The following SLAIN2 variants were observed in gnomAD, a reference collection of about 807,000 sequenced individuals.
SLAIN2 encodes SLAIN family member 2.
Under a neutral mutation model 56.6 loss-of-function variants are expected in SLAIN2, and 31 were observed. The observed-to-expected ratio is 0.55, with a 90% CI of 0.41 to 0.74. The LOEUF (loss-of-function observed/expected upper bound fraction) is 0.74, where lower values mean the gene tolerates loss of function less well. SLAIN2 is among the 30% of genes least tolerant of loss of function. The pLI is 0.00. For missense variants in SLAIN2, 777 were observed against 754.2 expected (o/e 1.03, Z -0.35); for synonymous variants, 317 against 284.9 (o/e 1.11, Z -1.13).
At chr4:48,356,701 TTTG>T (rs1238773851) in intron 1 of SLAIN2, among the ~76,000 whole-genome samples, 1 of 152,188 alleles carries the variant, frequency 6.6e-6, no homozygotes, top group African/African-American at 2.4e-5. Flanking sequence ...GCACTAGAAG[TTTG>T]TTTTTTAAAG....
intron 2 of SLAIN2, among the ~76,000 whole-genome samples, chr4:48,372,757 A>G (rs1715702329): frequency 1.3e-5 from 2 of 152,232 alleles, no homozygotes; most frequent in Admixed American, 6.5e-5. Context: ...AGCTGTATTC[A>G]TAGAACAATA....
At position 48,344,813 on chromosome 4, in the gene SLAIN2, A is replaced by G. The variant is rs187548326; in HGVS notation, c.389+2685A>G. On this transcript the variant is annotated intron_variant, in intron 1 of 7. Transcript: ENST00000264313. ...CAAAATGTTGATTACTTTTACTACA[A>G]GTGGTATGCTTGGATATTTTCCGCT... 2.6e-5 allele frequency among the ~76,000 whole-genome samples: 4 copies of G among 152,256 alleles called. No homozygotes were observed. In the East Asian group the frequency reaches 5.8e-4, roughly 22 times the overall value.
At chr4:48,395,038 A>G (rs908869598) in intron 6 of SLAIN2, among the ~76,000 whole-genome samples, 1 of 152,240 alleles carries the variant, frequency 6.6e-6, no homozygotes, top group African/African-American at 2.4e-5. Flanking sequence ...TTACCTGTGT[A>G]AAATGGGAAC....
intron 6 of SLAIN2, among the ~76,000 whole-genome samples, chr4:48,416,529 T>C (rs1331326159): frequency 1.6e-4 from 24 of 146,564 alleles, no homozygotes; most frequent in Admixed American, 2.8e-4. Flanking sequence ...GACTTCCTCT[T>C]TTCCTAATTG....
intron 3 of SLAIN2, among the ~76,000 whole-genome samples, chr4:48,378,853 A>G (rs1244883096): frequency 6.6e-6 from 1 of 152,180 alleles, no homozygotes; most frequent in Non-Finnish European, 1.5e-5. Flanking sequence ...TACTTTTCCT[A>G]TCATGTGCAC....
Position 48,420,509 on chromosome 4 carries a change from A to G in SLAIN2, c.1679+66A>G, listed in dbSNP as rs1164257268. The stretch of plus-strand genomic sequence containing the variant: ...GAAAGTGGATAGACTGGAATGAATT[A>G]GCTTCATCCGTATGTTTGATAGTAA... On this transcript the variant is annotated intron_variant, in intron 7 of 7. Coordinates refer to ENST00000264313, the MANE Select transcript of SLAIN2 (RefSeq NM_020846.2). The G allele has an allele frequency of 2.6e-6, 4 of 1,545,062 alleles. No homozygotes were observed. The Admixed American group carries it at 6.9e-5, about 27-fold the overall frequency.
chr4:48,350,537 C>T (rs1355513899), intron 1 of SLAIN2, among the ~76,000 whole-genome samples: 2 of 152,168 alleles, frequency 1.3e-5, no homozygotes, highest in African/African-American at 2.4e-5. Flanking sequence ...CTACCCAGAG[C>T]ACATTGCATG....
At chr4:48,411,888 T>G (rs1470403181) in intron 6 of SLAIN2, among the ~76,000 whole-genome samples, 1 of 152,228 alleles carries the variant, frequency 6.6e-6, no homozygotes. Flanking sequence ...CAGTGACTTC[T>G]TCCTACCCAC....
At chr4:48,371,641 C>G (rs151335237) in intron 2 of SLAIN2, among the ~76,000 whole-genome samples, 7 of 151,924 alleles carry the variant, frequency 4.6e-5, no homozygotes, top group African/African-American at 1.7e-4. Flanking sequence ...ATAGAAGGAG[C>G]ATGATTGAAA....
At chr4:48,347,695 A>G (rs1282535847) in intron 1 of SLAIN2, among the ~76,000 whole-genome samples, 4 of 152,206 alleles carry the variant, frequency 2.6e-5, no homozygotes, top group South Asian at 4.1e-4. Flanking sequence ...ATGTTGTGCA[A>G]TCATCGCCAC....
At chr4:48,399,487 CG>C (rs1158235720) in intron 6 of SLAIN2, among the ~76,000 whole-genome samples, 1 of 152,084 alleles carries the variant, frequency 6.6e-6, no homozygotes, top group Non-Finnish European at 1.5e-5. Flanking sequence ...TGTTTGAATA[CG>C]CTTTATTTTT....
chr4:48,378,697 C>T (rs1277950734), intron 3 of SLAIN2, among the ~76,000 whole-genome samples: 2 of 152,178 alleles, frequency 1.3e-5, no homozygotes, highest in East Asian at 1.9e-4. Flanking sequence ...ACTCCCTAGT[C>T]TAATGATCCT....
chr4:48,402,388 G>C (rs572100798), intron 6 of SLAIN2, among the ~76,000 whole-genome samples: 1 of 152,048 alleles, frequency 6.6e-6, no homozygotes, highest in African/African-American at 2.4e-5. Flanking sequence ...ACTTGATTCT[G>C]TTCTCCCCAT....
intron 1 of SLAIN2, among the ~76,000 whole-genome samples, chr4:48,346,863 A>G (rs1424669778): frequency 7.1e-6 from 1 of 140,952 alleles, no homozygotes; most frequent in Non-Finnish European, 1.5e-5. Flanking sequence ...TTTAAGAGAC[A>G]GGGTCTTCCC....
At chr4:48,381,269 A>G (rs1022762215) in intron 4 of SLAIN2, among the ~76,000 whole-genome samples, 3 of 152,162 alleles carry the variant, frequency 2.0e-5, no homozygotes, top group African/African-American at 7.2e-5. Context: ...AATTTTTTCT[A>G]AGCCATCCAC....
intron 1 of SLAIN2, among the ~76,000 whole-genome samples, chr4:48,345,851 T>TA (rs1714850298): frequency 6.6e-6 from 1 of 152,204 alleles, no homozygotes; most frequent in Non-Finnish European, 1.5e-5. Flanking sequence ...ATTGACATAA[T>TA]AAATTACTCT....
rs1488047095 is a variant in SLAIN2 at position 48,425,177 on chromosome 4, G to C, written c.*3100G>C. The stretch of plus-strand genomic sequence containing the variant: ...TTTCAGATTTAGTCTTCATGGGGTT[G>C]GATTATGTCTTATATTTTCTCTGTC... On this transcript the variant is annotated 3_prime_UTR_variant, in exon 8 of 8. Transcript: ENST00000264313. The C allele has an allele frequency of 6.6e-6, 1 of 151,858 alleles. No individual in the cohort carries two copies. Among genetic ancestry groups the C allele is most frequent in the East Asian group, 1.9e-4 (1 of 5,176 alleles). 9.4% of individuals were successfully genotyped at this position (151,858 alleles called of 1,614,324 possible).
At chr4:48,401,807 G>A (rs1716563824) in intron 6 of SLAIN2, among the ~76,000 whole-genome samples, 1 of 152,120 alleles carries the variant, frequency 6.6e-6, no homozygotes, top group Admixed American at 6.5e-5. Context: ...ATTTGATCCT[G>A]TCATGATGTT....
intron 1 of SLAIN2, among the ~76,000 whole-genome samples, chr4:48,348,210 G>T (rs546893294): frequency 5.9e-5 from 9 of 152,268 alleles, no homozygotes; most frequent in Non-Finnish European, 1.2e-4. Context: ...GTAGAAGGAA[G>T]AATTTTTTAA....
Sources: allele counts gnomAD v4.1 joint callset (sites outside exome capture counted in the v4.1 genomes callset), GRCh38; gene constraint gnomAD v4.1.1; transcripts MANE v1.5; gene names NCBI Gene and HGNC (gene_info 2026-07-23, HGNC 2026-07-21).